Variants in EPPK1 observed in about 807,000 individuals in gnomAD.
EPPK1 encodes the protein epiplakin 1, also known as epiplakin.
For missense variants in EPPK1, 3,823 were observed against 3,673.3 expected, an observed-to-expected ratio of 1.04 and a Z score of -1.05; for synonymous variants, 1,862 against 1,721.2, an observed-to-expected ratio of 1.08 and a Z score of -2.03.
chr8:143,867,667 TG>T lies in EPPK1; in HGVS notation c.5586del (p.Arg1863GlyfsTer27). ...TGCAGGGTCTTCTGATCGATGACCC[TG>T]GAGTTGAACAGGTCTGCAGCTGTCA... ...GEVTAADLFNSRVIDQKTLHT... is the reference protein window; with the variant it reads ...GEVTAADLFNXRVIDQKTLHT... On this transcript the variant is annotated frameshift_variant, in exon 2 of 2. Transcript: ENST00000615648. LOFTEE classifies it low-confidence loss of function (END_TRUNC). The T allele has an allele frequency of 1.2e-6, 2 of 1,613,524 alleles. No individual in the cohort carries two copies. The highest frequency in any genetic ancestry group is 1.7e-6 in the Non-Finnish European group (2 of 1,179,848).
intron 1 of EPPK1, among the ~76,000 whole-genome samples, chr8:143,874,143 C>A (rs1317663405): frequency 6.6e-6 from 1 of 152,172 alleles, no homozygotes; most frequent in African/African-American, 2.4e-5. Context: ...GGGCCCTGGT[C>A]CTCCGGCTGC....
Position 143,870,303 on chromosome 8 carries a change from ACCGAGAG to A in EPPK1, c.2944_2950del (p.Leu982TrpfsTer18). 6.3e-7 allele frequency: 1 copy of A among 1,578,700 alleles called. No individual in the cohort carries two copies. The highest frequency in any genetic ancestry group is 1.8e-5 in the Admixed American group (1 of 56,608). On this transcript the variant is annotated frameshift_variant, in exon 2 of 2. Transcript: ENST00000615648. LOFTEE classifies it low-confidence loss of function (END_TRUNC). This position sits in a 1 kb window ranked among gnomAD's most constrained non-coding sequence, Gnocchi z 5.2. ...CACACCCCTGCGCACGGCCTCATCC[ACCGAGAG>A]GCTCTCTGGGCTGTGAGGGTCCATG...
chr8:143,867,891 C>G lies in EPPK1; in HGVS notation c.5363G>C (p.Arg1788Thr), dbSNP rs781827926. 4 of 1,613,374 alleles carry G rather than the reference C, an allele frequency of 2.5e-6. No homozygotes were observed. The highest frequency in any genetic ancestry group is 2.2e-5 in the East Asian group (1 of 44,884). Residue 1788 changes from arginine to threonine, a missense_variant, in exon 2 of 2, where the codon AGG becomes ACG. By Grantham distance (71) the Arg-to-Thr change is moderately conservative. Transcript: ENST00000615648. ...QSRTAKMRVG[R>T]FADQVVSFWD... Reference sequence around the variant, plus strand: ...GAAAGAGACCACCTGGTCAGCAAACCTCCCCACGCGCATTTTTGCAGTTCT... The same window carrying G: ...GAAAGAGACCACCTGGTCAGCAAACGTCCCCACGCGCATTTTTGCAGTTCT...
In EPPK1 at chr8:143,867,308, G is replaced by T; in HGVS notation, c.5946C>A (p.Ala1982=). ...GGAACAGCGGGATCGTGTCTCCTGT[G>T]GCCGGATCCCTGTAGCCCGTGGCAG... ...ERAATGYRDP[A]TGDTIPLFQA... is the part of the protein sequence containing the mutation. The change falls in exon 2 of 2, where the codon GCC becomes GCA. Residue 1982 remains alanine (A), a synonymous_variant. Transcript: ENST00000615648. The T allele has an allele frequency of 6.2e-7, 1 of 1,612,656 alleles. No individual in the cohort carries two copies. Among genetic ancestry groups the T allele is most frequent in the Non-Finnish European group, 8.5e-7 (1 of 1,179,750 alleles).
chr8:143,866,796 G>T lies in EPPK1; in HGVS notation c.6458C>A (p.Thr2153Lys). 6.2e-7 allele frequency: 1 copy of T among 1,613,428 alleles called. No individual in the cohort carries two copies. The highest frequency in any genetic ancestry group is 8.5e-7 in the Non-Finnish European group (1 of 1,179,852). ...YRTHTRRALQ[T>K]VAQLILELIE... ...CAACTCTAAGATGAGCTGCGCTACC[G>T]TCTGCAGTGCCCGTCTGGTGTGTGT... The change falls in exon 2 of 2, where the codon ACG (threonine) becomes AAG (lysine). Residue 2153 changes from threonine to lysine, a missense_variant. Transcript: ENST00000615648.
Position 143,871,998 on chromosome 8 carries a change from A to G in EPPK1, c.1256T>C (p.Leu419Pro). The G allele has an allele frequency of 6.3e-7, 1 of 1,581,402 alleles. No homozygotes were observed. Among genetic ancestry groups the G allele is most frequent in the Non-Finnish European group, 8.6e-7 (1 of 1,167,588 alleles). The part of the protein sequence containing the change: ...RRLRLPLEAA[L>P]RCGCLDEDTQ... The stretch of plus-strand genomic sequence containing the variant: ...GTCTTCATCCAGGCAGCCGCAGCGC[A>G]GGGCGGCCTCCAGGGGCAGCCGGAG... Residue 419 changes from leucine (L) to proline (P), a missense_variant, in exon 2 of 2, where the codon CTG (leucine) becomes CCG (proline). Coordinates refer to ENST00000615648, the MANE Select transcript of EPPK1 (RefSeq NM_031308.4).
Position 143,869,651 on chromosome 8 carries a change from AC to A in EPPK1, c.3602del (p.Gly1201ValfsTer38). 1 of 1,590,614 alleles carries A rather than the reference AC, an allele frequency of 6.3e-7. No homozygotes were observed. Among genetic ancestry groups the A allele is most frequent in the Non-Finnish European group, 8.6e-7 (1 of 1,169,096 alleles). ...QARVMVPGPR[G>X]EVPAVWLLDA... is the part of the protein sequence containing the mutation. The stretch of plus-strand genomic sequence containing the variant: ...CCAGCAGCCAGACAGCGGGTACCTC[AC>A]CCCGTGGGCCGGGCACCATGACGCG... On this transcript the variant is annotated frameshift_variant, in exon 2 of 2. Transcript: ENST00000615648. LOFTEE classifies it low-confidence loss of function (END_TRUNC).
intron 1 of EPPK1, among the ~76,000 whole-genome samples, chr8:143,874,418 G>C (rs998457781): frequency 1.3e-5 from 2 of 152,392 alleles, no homozygotes; most frequent in East Asian, 3.9e-4. Flanking sequence ...TACCGGGCTA[G>C]GATTGGCTGT....
rs35186960 is a variant in EPPK1 at position 143,857,896 on chromosome 8, C to CAAAAAAAAAAAAAA, written c.*77_*90dup. On this transcript the variant is annotated 3_prime_UTR_variant, in exon 2 of 2. Coordinates refer to ENST00000615648, the MANE Select transcript of EPPK1 (RefSeq NM_031308.4). ...GTAAAACAACAAAATTAAAGAATGACAAAAAAAAAAAAAAAAAAAAAAACA... is the reference window on the plus strand; with the variant it reads ...GTAAAACAACAAAATTAAAGAATGACAAAAAAAAAAAAAAAAAAAAAAAAAAAAAAAAAAAAACA... 1.4e-5 allele frequency: 6 copies of CAAAAAAAAAAAAAA among 437,906 alleles called. No individual in the cohort carries two copies. Among genetic ancestry groups the CAAAAAAAAAAAAAA allele is most frequent in the Admixed American group, 6.7e-5 (1 of 14,950 alleles). 27.1% of individuals were successfully genotyped at this position (437,906 alleles called of 1,614,324 possible).
Position 143,866,897 on chromosome 8 carries a change from T to C in EPPK1, c.6357A>G (p.Lys2119=), listed in dbSNP as rs781914422. The change falls in exon 2 of 2, where the codon AAA becomes AAG. Residue 2119 remains lysine, a synonymous_variant. Transcript: ENST00000615648. The part of the protein sequence containing the change: ...EITVGRFRGQ[K]PTLWALLNSE... ...AATTCAGTAGTGCCCACAGTGTTGGTTTCTGGCCTCTGAACCTTCCCACTG... is the reference window on the plus strand; with the variant it reads ...AATTCAGTAGTGCCCACAGTGTTGGCTTCTGGCCTCTGAACCTTCCCACTG... 9.3e-6 allele frequency: 15 copies of C among 1,613,080 alleles called. No homozygotes were observed. Among genetic ancestry groups the C allele is most frequent in the Non-Finnish European group, 1.3e-5 (15 of 1,179,820 alleles).
Position 143,866,996 on chromosome 8 carries a change from G to A in EPPK1, c.6258C>T (p.Asn2086=), listed in dbSNP as rs781958045. The change falls in exon 2 of 2, where the codon AAC becomes AAT. Residue 2086 remains asparagine, a synonymous_variant. Transcript: ENST00000615648. ...EDTGWLLFPV[N]KAARDSEHID... is the part of the protein sequence containing the mutation. ...TGTGCTCGGAGTCCCGTGCAGCCTT[G>A]TTCACTGGGAACAGCAGCCAGCCCG... The A allele has an allele frequency of 3.1e-6, 5 of 1,612,652 alleles. No homozygotes were observed. The highest frequency in any genetic ancestry group is 1.3e-5 in the African/African-American group (1 of 74,894).
At position 143,867,212 on chromosome 8, in the gene EPPK1, C is replaced by T. The variant is rs782405559; in HGVS notation, c.6042G>A (p.Gly2014=). The change falls in exon 2 of 2, where the codon GGG becomes GGA. Residue 2014 remains glycine (G), a synonymous_variant. Transcript: ENST00000615648. ...GGTGGTGCTGTGGGTCGATGACACC[C>T]CCCGTGGCCACCTGCACCTCCAGCA... ...LRLLEVQVAT[G]GVIDPQHHHR... 1.4e-5 allele frequency: 22 copies of T among 1,612,604 alleles called. No homozygotes were observed. Among genetic ancestry groups the T allele is most frequent in the South Asian group, 5.5e-5 (5 of 91,084 alleles).
In EPPK1 at chr8:143,876,597, GCTT is replaced by G. The variant is rs1819483990; in HGVS notation, c.-46+1838_-46+1840del. Among the ~76,000 whole-genome samples, 5 of 152,306 alleles carry G rather than the reference GCTT, an allele frequency of 3.3e-5. No individual in the cohort carries two copies. In the South Asian group the frequency reaches 1.0e-3, roughly 32 times the overall value. On this transcript the variant is annotated intron_variant, in intron 1 of 1. Transcript: ENST00000615648. Reference sequence around the variant, plus strand: ...GTTACCCCTGCCTCAGACAGACTCTGCTTCTGGGAACCCAGCCTGGGCGCTTTT... The same window carrying G: ...GTTACCCCTGCCTCAGACAGACTCTGCTGGGAACCCAGCCTGGGCGCTTTT...
rs781977688 is a variant in EPPK1, at chr8:143,870,598, G to A, written c.2656C>T (p.Arg886Trp). 56 of 1,608,108 alleles carry A rather than the reference G, an allele frequency of 3.5e-5. No individual in the cohort carries two copies. Among genetic ancestry groups the A allele is most frequent in the Middle Eastern group, 1.7e-4 (1 of 6,046 alleles). Residue 886 changes from arginine (R) to tryptophan (W), a missense_variant, in exon 2 of 2, where the codon CGG becomes TGG. Physicochemically the swap from Arg to Trp is moderately radical, Grantham distance 101 (BLOSUM62 -3). Coordinates refer to ENST00000615648, the MANE Select transcript of EPPK1 (RefSeq NM_031308.4). The surrounding 1 kb of genome is among the most constrained non-coding windows in gnomAD (Gnocchi z 5.2). ...ADIMLPALRSRVTVHQLLEAG... is the reference protein window; with the variant it reads ...ADIMLPALRSWVTVHQLLEAG... ...TCCAGGAGCTGGTGGACGGTGACCCGGCTCCGCAGTGCGGGCAGCATGATG... is the reference window on the plus strand; with the variant it reads ...TCCAGGAGCTGGTGGACGGTGACCCAGCTCCGCAGTGCGGGCAGCATGATG...
At position 143,866,783 on chromosome 8, in the gene EPPK1, G is replaced by C. The variant is rs372454862; in HGVS notation, c.6471C>G (p.Leu2157=). 2.5e-6 allele frequency: 4 copies of C among 1,613,490 alleles called. No individual in the cohort carries two copies. Among genetic ancestry groups the C allele is most frequent in the Non-Finnish European group, 3.4e-6 (4 of 1,179,884 alleles). ...CCTGCTTCTCGATCAACTCTAAGAT[G>C]AGCTGCGCTACCGTCTGCAGTGCCC... ...TRRALQTVAQ[L]ILELIEKQET... Residue 2157 remains leucine, a synonymous_variant, in exon 2 of 2, where the codon CTC becomes CTG. Coordinates refer to ENST00000615648, the MANE Select transcript of EPPK1 (RefSeq NM_031308.4).
At chr8:143,873,818 C>T (rs1426601681) in intron 1 of EPPK1, among the ~76,000 whole-genome samples, 2 of 151,990 alleles carry the variant, frequency 1.3e-5, no homozygotes, top group Non-Finnish European at 2.9e-5. Flanking sequence ...CTCTTGAAAC[C>T]TCCCACCCCA....
rs201230565 is a variant in EPPK1 at position 143,868,087 on chromosome 8, C to T, written c.5167G>A (p.Asp1723Asn). The T allele has an allele frequency of 4.6e-5, 74 of 1,613,282 alleles. 1 individual carries two copies. The African/African-American group carries it at 6.0e-4, about 13-fold the overall frequency. Reference sequence around the variant, plus strand: ...GGGTCGAAGAAGCCCTTGGTGTCGTCGCTGGGGTCCGCCAGGATGCGGTTC... The same window carrying T: ...GGGTCGAAGAAGCCCTTGGTGTCGTTGCTGGGGTCCGCCAGGATGCGGTTC... The part of the protein sequence containing the change: ...EMNRILADPS[D>N]DTKGFFDPNT... Residue 1723 changes from aspartate to asparagine, a missense_variant, in exon 2 of 2, where the codon GAC (aspartate) becomes AAC (asparagine). By Grantham distance (23) the Asp-to-Asn change is conservative. Coordinates refer to ENST00000615648, the MANE Select transcript of EPPK1 (RefSeq NM_031308.4).
rs1383577672 is a variant in EPPK1, at chr8:143,866,219, C to T, written c.7035G>A (p.Thr2345=). The T allele has an allele frequency of 1.1e-4, 50 of 453,294 alleles. No homozygotes were observed. The highest frequency in any genetic ancestry group is 3.1e-4 in the Admixed American group (6 of 19,298). 28.1% of individuals were successfully genotyped at this position (453,294 alleles called of 1,614,324 possible). A position where few individuals can be genotyped will look rare whatever the true frequency, so the allele number is the denominator to read the frequency against. ...GIRLLEAQIA[T]GGVIDPVHSH... ...TGTGCACGGGGTCGATGACGCCGCC[C>T]GTGGCGATCTGGGCCTCCAGCAGGC... Residue 2345 remains threonine, a synonymous_variant, in exon 2 of 2, where the codon ACG becomes ACA. Coordinates refer to ENST00000615648, the MANE Select transcript of EPPK1 (RefSeq NM_031308.4).
Position 143,864,985 on chromosome 8 carries a change from C to A in EPPK1, c.8269G>T (p.Glu2757Ter). The A allele has an allele frequency of 2.7e-6, 1 of 370,396 alleles. No individual in the cohort carries two copies. Among genetic ancestry groups the A allele is most frequent in the Non-Finnish European group, 4.6e-6 (1 of 216,926 alleles). The allele number at this position is 370,396 out of a possible 1,614,324, so 22.9% of individuals were successfully genotyped here. The change falls in exon 2 of 2, where the codon GAG (glutamate) becomes TAG (stop). Residue 2757 changes from glutamate to a stop codon, truncating the protein, a stop_gained. Transcript: ENST00000615648. LOFTEE classifies it low-confidence loss of function (END_TRUNC). ...TEMDSVKRYLEGTSCIAGVLV... is the reference protein window; with the variant it reads ...TEMDSVKRYL ...ACGCCCGCGATGCAGCTGGTGCCCT[C>A]CAGGTAGCGCTTGACCGAGTCCATC...
Sources: allele counts gnomAD v4.1 joint callset (sites outside exome capture counted in the v4.1 genomes callset), GRCh38; gene constraint gnomAD v4.1.1; non-coding constraint Gnocchi (gnomAD v3.1); transcripts MANE v1.5; gene names NCBI Gene and HGNC (gene_info 2026-07-23, HGNC 2026-07-21).